CASK: variants seen among roughly 807,000 people sequenced by gnomAD.
CASK encodes the protein peripheral plasma membrane protein CASK.
In CASK, 4 loss-of-function variants were observed where a neutral mutation model predicts 82.9. That is an observed-to-expected ratio of 0.05 (90% CI 0.02 to 0.11). CASK has a LOEUF of 0.11. Ranked by LOEUF, CASK falls within the 10% of genes least tolerant of loss-of-function variation. The pLI is 1.00. For missense variants in CASK, 358 were observed against 720.9 expected (o/e 0.50, Z 5.76); for synonymous variants, 259 against 253.5 (o/e 1.02, Z -0.20).
intron 1 of CASK, among the ~76,000 whole-genome samples, chrX:41,872,107 G>C (rs757649988): frequency 8.9e-6 from 1 of 112,654 alleles, no homozygotes; most frequent in Non-Finnish European, 1.9e-5. Context: ...TCGCTTACGC[G>C]TTGTGTATGA....
intron 2 of CASK, among the ~76,000 whole-genome samples, chrX:41,826,732 T>C (rs962722514): frequency 1.3e-4 from 15 of 111,890 alleles, no homozygotes; most frequent in African/African-American, 4.9e-4. Flanking sequence ...CCACCTCGAC[T>C]TCCCAAAGTG....
intron 1 of CASK, among the ~76,000 whole-genome samples, chrX:41,865,504 A>T (rs2071575219): frequency 8.9e-6 from 1 of 111,934 alleles, no homozygotes; most frequent in South Asian, 3.8e-4. Flanking sequence ...CAGCTGAATT[A>T]AAAACCTTAT....
intron 3 of CASK, 78 bp from the exon 4 acceptor site, chrX:41,745,679 C>T (rs766022976): frequency 3.0e-6 from 2 of 666,889 alleles, no homozygotes; most frequent in South Asian, 2.3e-5. Flanking sequence ...TACATTGTAA[C>T]TAAGTTATTA....
At chrX:41,621,283 G>A (rs763716158) in intron 11 of CASK, among the ~76,000 whole-genome samples, 18 of 111,991 alleles carry the variant, frequency 1.6e-4, no homozygotes, top group Middle Eastern at 4.2e-3. Flanking sequence ...CTGGAGTGCA[G>A]GCTGGACTTA....
intron 2 of CASK, among the ~76,000 whole-genome samples, chrX:41,829,735 A>G (rs1478763506): frequency 1.4e-4 from 5 of 34,821 alleles, no homozygotes; most frequent in Non-Finnish European, 1.5e-4. Flanking sequence ...ATATATATAT[A>G]TATATATATA....
chrX:41,792,159 T>C (rs2069736536), intron 2 of CASK, among the ~76,000 whole-genome samples: 1 of 111,980 alleles, frequency 8.9e-6, no homozygotes, highest in South Asian at 3.7e-4. Flanking sequence ...GTTTTAAAAA[T>C]GATTTTCCTG....
At chrX:41,705,227 G>C (rs1046865224) in intron 5 of CASK, among the ~76,000 whole-genome samples, 1 of 112,387 alleles carries the variant, frequency 8.9e-6, no homozygotes, top group Non-Finnish European at 1.9e-5. Context: ...AGCAAGTAAG[G>C]AGGAGAGTGT....
chrX:41,736,372 C>T (rs767156655), intron 5 of CASK, among the ~76,000 whole-genome samples: 1 of 111,364 alleles, frequency 9.0e-6, no homozygotes, highest in South Asian at 3.8e-4. Context: ...TGGTGGCGCA[C>T]GCCTATAGTC....
rs149967861 is a variant in CASK at position 41,833,884 on chromosome X, G to T, written c.172+19231C>A. 6.1e-3 allele frequency among the ~76,000 whole-genome samples: 680 copies of T among 111,240 alleles called. 8 individuals carry two copies. The highest frequency in any genetic ancestry group is 0.021 in the African/African-American group (649 of 30,568). ...CCACCTCAGCCTCCCAGGTAGTTGG[G>T]ACTACAGGCACATGCCACCATGCCC... is the stretch of plus-strand genomic sequence containing the variant. On this transcript the variant is annotated intron_variant, in intron 2 of 26. Transcript: ENST00000378163.
chrX:41,812,116 A>C (rs1602661833), intron 2 of CASK, among the ~76,000 whole-genome samples: 1 of 110,415 alleles, frequency 9.1e-6, no homozygotes, highest in Non-Finnish European at 1.9e-5. Flanking sequence ...CAACCAAAAA[A>C]AGTCCAGGAC....
intron 21 of CASK, among the ~76,000 whole-genome samples, chrX:41,546,388 G>T (rs901218789): frequency 8.9e-6 from 1 of 112,109 alleles, no homozygotes; most frequent in Admixed American, 9.5e-5. Flanking sequence ...GGGATTACAG[G>T]CATGAGCCAC....
chrX:41,707,563 TA>T (rs2067904877), intron 5 of CASK, among the ~76,000 whole-genome samples: 3 of 112,297 alleles, frequency 2.7e-5, no homozygotes, highest in South Asian at 7.3e-4. Flanking sequence ...AAATGATGCA[TA>T]AAAAATATAA....
At chrX:41,618,378 C>T (rs986185294) in intron 11 of CASK, among the ~76,000 whole-genome samples, 1 of 111,429 alleles carries the variant, frequency 9.0e-6, no homozygotes, top group Non-Finnish European at 1.9e-5. Context: ...TGGCTCACTG[C>T]AGCCTCGACC....
At chrX:41,730,511 T>C (rs1175852099) in intron 5 of CASK, among the ~76,000 whole-genome samples, 1 of 111,665 alleles carries the variant, frequency 9.0e-6, no homozygotes, top group African/African-American at 3.3e-5. Context: ...TCGTTTATAG[T>C]AGTAATTGGA....
chrX:41,778,240 T>A (rs2069401404), intron 3 of CASK, among the ~76,000 whole-genome samples: 1 of 110,932 alleles, frequency 9.0e-6, no homozygotes, highest in Non-Finnish European at 1.9e-5. Context: ...AGAATTTTTT[T>A]TTTTTTCAAG....
intron 1 of CASK, among the ~76,000 whole-genome samples, chrX:41,900,173 C>T (rs1411215935): frequency 2.7e-5 from 3 of 109,353 alleles, no homozygotes; most frequent in Non-Finnish European, 5.7e-5. Flanking sequence ...GTTTGCTTTT[C>T]TCTTGATGCT....
chrX:41,735,566 AT>A lies in CASK; in HGVS notation c.429+3817del, dbSNP rs763684706. Among the ~76,000 whole-genome samples the A allele has an allele frequency of 7.3e-3, 743 of 101,199 alleles. 2 individuals are homozygous for A. Among genetic ancestry groups the A allele is most frequent in the African/African-American group, 0.016 (441 of 27,988 alleles). 87.9% of individuals were successfully genotyped at this position (101,199 alleles called of 115,157 possible). A position where few individuals can be genotyped will look rare whatever the true frequency, so the allele number is the denominator to read the frequency against. ...CCAAAATATATCAGGAATCTAACTA[AT>A]TTTTTTTTTTTTTTTACTACCTCCA... is the stretch of plus-strand genomic sequence containing the variant. On this transcript the variant is annotated intron_variant, in intron 5 of 26. Coordinates refer to ENST00000378163, the MANE Select transcript of CASK (RefSeq NM_001367721.1).
At chrX:41,584,574 C>G (rs2065630202) in intron 14 of CASK, 1 of 111,609 alleles carries the variant, frequency 9.0e-6, no homozygotes, top group Admixed American at 9.5e-5. Flanking sequence ...AGTATGCAAC[C>G]TAGATCCCTC....
At chrX:41,835,618 G>A (rs764055950) in intron 2 of CASK, among the ~76,000 whole-genome samples, 1 of 111,745 alleles carries the variant, frequency 8.9e-6, no homozygotes, top group Non-Finnish European at 1.9e-5. Context: ...CGTTGATATT[G>A]GGGATTATGG....
Sources: allele counts gnomAD v4.1 joint callset (sites outside exome capture counted in the v4.1 genomes callset), GRCh38; gene constraint gnomAD v4.1.1; transcripts MANE v1.5; gene names NCBI Gene and HGNC (gene_info 2026-07-23, HGNC 2026-07-21).